PRR5L: variants seen among roughly 807,000 people sequenced by gnomAD.
PRR5L encodes the protein proline rich 5 like.
Under a neutral mutation model 36.4 loss-of-function variants are expected in PRR5L, and 21 were observed. That is an observed-to-expected ratio of 0.58 (90% CI 0.41 to 0.83). The LOEUF is 0.83. Ranked by LOEUF, PRR5L falls within the 40% of genes least tolerant of loss-of-function variation. PRR5L has a pLI of 0.00. For missense variants in PRR5L, 381 were observed against 473.3 expected, an observed-to-expected ratio of 0.80 and a Z score of 1.81; for synonymous variants, 188 against 197.0, an observed-to-expected ratio of 0.95 and a Z score of 0.38.
chr11:36,345,936 T>C (rs2133484052), intron 1 of PRR5L, among the ~76,000 whole-genome samples: 1 of 152,366 alleles, frequency 6.6e-6, no homozygotes, highest in African/African-American at 2.4e-5. Flanking sequence ...CAGGGCTGGC[T>C]ATAACTGCTG....
At chr11:36,421,000 A>T (rs1442139919) in intron 4 of PRR5L, among the ~76,000 whole-genome samples, 1 of 152,202 alleles carries the variant, frequency 6.6e-6, no homozygotes, top group Non-Finnish European at 1.5e-5. Context: ...ATAAAGATTA[A>T]GAGAGAGATA....
chr11:36,454,229 G>A (rs1247740523), intron 8 of PRR5L: 1 of 152,174 alleles, frequency 6.6e-6, no homozygotes, highest in African/African-American at 2.4e-5. Context: ...ACTTTATTAG[G>A]GGACAGCCCA....
chr11:36,355,104 C>T (rs550095260), intron 1 of PRR5L, among the ~76,000 whole-genome samples: 1 of 152,288 alleles, frequency 6.6e-6, no homozygotes, highest in South Asian at 2.1e-4. Context: ...GCCCATACCT[C>T]TCAGATATTT....
chr11:36,340,760 C>CA (rs1856809641), intron 1 of PRR5L, among the ~76,000 whole-genome samples: 1 of 152,116 alleles, frequency 6.6e-6, no homozygotes. Context: ...ATCAAAACTA[C>CA]AAAAACCCCA....
At chr11:36,389,218 G>T (rs1319942654) in intron 1 of PRR5L, among the ~76,000 whole-genome samples, 3 of 152,024 alleles carry the variant, frequency 2.0e-5, no homozygotes, top group African/African-American at 4.8e-5. Context: ...TTGTCACTTC[G>T]GTAGATCTTG....
At chr11:36,404,423 A>G (rs1007864915) in intron 3 of PRR5L, among the ~76,000 whole-genome samples, 1 of 152,044 alleles carries the variant, frequency 6.6e-6, no homozygotes, top group Non-Finnish European at 1.5e-5. Flanking sequence ...GCCCACCACC[A>G]TGCCTGGCTA....
intron 1 of PRR5L, among the ~76,000 whole-genome samples, chr11:36,317,092 T>G (rs1241045441): frequency 6.6e-6 from 1 of 152,150 alleles, no homozygotes; most frequent in Non-Finnish European, 1.5e-5. Context: ...AACCAACACT[T>G]TCCAGAAAAG....
At chr11:36,360,077 A>T (rs74847604) in intron 1 of PRR5L, among the ~76,000 whole-genome samples, 1 of 7,212 alleles carries the variant, frequency 1.4e-4, no homozygotes, top group Non-Finnish European at 3.7e-4. Context: ...ACACACACCC[A>T]CACACACACA....
chr11:36,309,825 C>G (rs1329796501), intron 1 of PRR5L, among the ~76,000 whole-genome samples: 2 of 152,030 alleles, frequency 1.3e-5, no homozygotes, highest in Non-Finnish European at 2.9e-5. Context: ...CCATACTCAA[C>G]AAGTCCACCA....
intron 1 of PRR5L, among the ~76,000 whole-genome samples, chr11:36,356,723 G>T (rs753845564): frequency 6.6e-6 from 1 of 152,124 alleles, no homozygotes; most frequent in East Asian, 1.9e-4. Flanking sequence ...CACTGTACCC[G>T]ATAAGATGGC....
At chr11:36,401,638 C>T (rs915773541) in intron 2 of PRR5L, among the ~76,000 whole-genome samples, 17 of 152,258 alleles carry the variant, frequency 1.1e-4, no homozygotes, top group African/African-American at 4.1e-4. Context: ...CACTATACTG[C>T]CCAGGCTGGC....
chr11:36,362,317 T>A (rs957608655), intron 1 of PRR5L: 1 of 152,090 alleles, frequency 6.6e-6, no homozygotes, highest in Non-Finnish European at 1.5e-5. Flanking sequence ...TCCTTCACTT[T>A]TAGCACCAAA....
chr11:36,322,796 T>C (rs1197564763), intron 1 of PRR5L, among the ~76,000 whole-genome samples: 1 of 152,190 alleles, frequency 6.6e-6, no homozygotes, highest in Non-Finnish European at 1.5e-5. Flanking sequence ...CTCATACCTA[T>C]GAATGTGACC....
intron 3 of PRR5L, among the ~76,000 whole-genome samples, chr11:36,411,791 G>T (rs906369566): frequency 9.9e-5 from 15 of 152,118 alleles, no homozygotes; most frequent in African/African-American, 3.6e-4. Flanking sequence ...TCATCAGCTA[G>T]TCTGGCCCTA....
At chr11:36,369,358 A>G (rs964828620) in intron 1 of PRR5L, among the ~76,000 whole-genome samples, 1 of 152,094 alleles carries the variant, frequency 6.6e-6, no homozygotes, top group Non-Finnish European at 1.5e-5. Flanking sequence ...CTTAGTTTGT[A>G]TCCCAAAGGA....
chr11:36,396,166 G>A (rs1376004008), intron 1 of PRR5L: 1 of 152,256 alleles, frequency 6.6e-6, no homozygotes, highest in Admixed American at 6.5e-5. Context: ...CCAGGCGTGA[G>A]TCTGGGACAC....
Position 36,462,412 on chromosome 11 carries a change from C to T in PRR5L, c.783C>T (p.Ser261=), listed in dbSNP as rs113543424. ...ATGCCTCCCCGATAACCGCAGTCAG[C>T]CGGCCACTGAATGAGATGGTCTTGA... ...LNYASPITAV[S]RPLNEMVLTP... Residue 261 remains serine, a synonymous_variant, in exon 9 of 9, where the codon AGC becomes AGT. Transcript: ENST00000530639. 1.3e-4 allele frequency: 204 copies of T among 1,575,092 alleles called. No individual in the cohort carries two copies. The highest frequency in any genetic ancestry group is 9.7e-4 in the African/African-American group (72 of 74,358).
chr11:36,332,892 A>G (rs12416779), intron 1 of PRR5L, among the ~76,000 whole-genome samples: 15,695 of 152,152 alleles, frequency 0.1, 1,548 homozygotes, highest in African/African-American at 0.27. Flanking sequence ...AGAACCATGA[A>G]CCAAATAAAC....
chr11:36,446,216 CAT>C (rs1322002256), intron 6 of PRR5L, 82 bp from the exon 7 acceptor site: 9 of 1,483,840 alleles, frequency 6.1e-6, no homozygotes, highest in Admixed American at 1.8e-5. Context: ...GCTATATAAA[CAT>C]GTGTTGTCTT....
Sources: allele counts gnomAD v4.1 joint callset (sites outside exome capture counted in the v4.1 genomes callset), GRCh38; gene constraint gnomAD v4.1.1; transcripts MANE v1.5; gene names NCBI Gene and HGNC (gene_info 2026-07-23, HGNC 2026-07-21).